NUP153: variants seen among roughly 807,000 people sequenced by gnomAD.
NUP153 encodes the protein nucleoporin 153.
Under a neutral mutation model 134.6 loss-of-function variants are expected in NUP153, and 27 were observed. That is an observed-to-expected ratio of 0.20 (90% CI 0.15 to 0.28). The LOEUF (loss-of-function observed/expected upper bound fraction) is 0.28. Among genes scored for constraint, NUP153 ranks in the 10% least tolerant of loss-of-function variants. The pLI is 1.00. For synonymous variants in NUP153, 640 were observed against 623.5 expected, an observed-to-expected ratio of 1.03 and a Z score of -0.40; for missense variants, 1,821 against 1,731.3, an observed-to-expected ratio of 1.05 and a Z score of -0.92.
Position 17,680,071 on chromosome 6 carries a change from A to C in NUP153, c.335-4301T>G, listed in dbSNP as rs1768487747. On this transcript the variant is annotated intron_variant, in intron 2 of 21. Transcript: ENST00000262077. This position sits in a 1 kb window ranked among gnomAD's most constrained non-coding sequence, Gnocchi z 4.5. ...TTCCTGCGCTTTGCCTAATAAAAAA[A>C]ATTCCTACTGGCTTTTTCCGGGAAG... Among the ~76,000 whole-genome samples the C allele has an allele frequency of 6.6e-6, 1 of 152,170 alleles. No individual in the cohort carries two copies.
intron 20 of NUP153, among the ~76,000 whole-genome samples, chr6:17,618,850 G>C (rs1213030470): frequency 1.3e-5 from 2 of 152,224 alleles, no homozygotes; most frequent in East Asian, 3.9e-4. Context: ...ACAGGCGTGA[G>C]CCACTGCGCC....
chr6:17,647,821 G>C lies in NUP153; in HGVS notation c.1618C>G (p.Leu540Val), dbSNP rs769983051. 1.9e-6 allele frequency: 3 copies of C among 1,594,736 alleles called. No individual in the cohort carries two copies. In the African/African-American group the frequency reaches 4.0e-5, roughly 21 times the overall value. ...PIVKSTEANV[L>V]PPSSIGFTFS... ...TTGTTACTTACAGATGATGGAGGTA[G>C]TACATTTGCCTCAGTAGATTTTACG... is the stretch of plus-strand genomic sequence containing the variant. The change falls in exon 13 of 22, where the codon CTA (leucine) becomes GTA (valine). Residue 540 changes from leucine to valine, a missense_variant. Physicochemically the swap from Leu to Val is conservative, Grantham distance 32 (BLOSUM62 1). Coordinates refer to ENST00000262077, the MANE Select transcript of NUP153 (RefSeq NM_005124.4).
chr6:17,621,042 T>C (rs1400020764), intron 20 of NUP153, among the ~76,000 whole-genome samples: 1 of 152,100 alleles, frequency 6.6e-6, no homozygotes, highest in Non-Finnish European at 1.5e-5. Context: ...ATAATCCCAC[T>C]GAAAAGCGGG....
At chr6:17,661,604 C>A in intron 11 of NUP153, 49 bp downstream of exon 11, 1 of 1,576,052 alleles carries the variant, frequency 6.3e-7, no homozygotes, top group South Asian at 1.2e-5. Context: ...CACCACCACA[C>A]CAATGCTTTT....
intron 2 of NUP153, among the ~76,000 whole-genome samples, chr6:17,682,937 A>AAC (rs1289361991): frequency 6.6e-6 from 1 of 151,072 alleles, no homozygotes. Flanking sequence ...AAAAAAAAAA[A>AAC]AAAAACACTT....
chr6:17,694,091 T>C (rs970976404), intron 1 of NUP153, among the ~76,000 whole-genome samples: 9 of 152,230 alleles, frequency 5.9e-5, no homozygotes, highest in South Asian at 2.1e-4. Context: ...CCATATTATA[T>C]GTTTATGCGT....
chr6:17,637,218 G>T lies in NUP153; in HGVS notation c.2399C>A (p.Ser800Ter), dbSNP rs1428122266. 1.2e-6 allele frequency: 2 copies of T among 1,614,020 alleles called. No individual in the cohort carries two copies. The highest frequency in any genetic ancestry group is 2.7e-5 in the African/African-American group (2 of 75,004). ...TGCATTATTAGAAACACAGCATACTGAACACTCCCAAGATCCAATGGGCCT... is the reference window on the plus strand; with the variant it reads ...TGCATTATTAGAAACACAGCATACTTAACACTCCCAAGATCCAATGGGCCT... The part of the protein sequence containing the change: ...FKRPIGSWEC[S>*]VCCVSNNAED... The change falls in exon 16 of 22, where the codon TCA becomes TAA. Residue 800 changes from serine to a stop codon, truncating the protein, a stop_gained. Coordinates refer to ENST00000262077, the MANE Select transcript of NUP153 (RefSeq NM_005124.4). LOFTEE classifies it high-confidence loss of function.
At chr6:17,686,189 T>C (rs1237227924) in intron 2 of NUP153, among the ~76,000 whole-genome samples, 2 of 151,688 alleles carry the variant, frequency 1.3e-5, no homozygotes, top group East Asian at 1.9e-4. Flanking sequence ...AAAAGCCAAC[T>C]GTAAACAGCC....
chr6:17,675,571 A>G lies in NUP153; in HGVS notation c.534T>C (p.Asp178=), dbSNP rs1318519311. 6.2e-7 allele frequency: 1 copy of G among 1,614,056 alleles called. No individual in the cohort carries two copies. The highest frequency in any genetic ancestry group is 8.5e-7 in the Non-Finnish European group (1 of 1,179,884). ...EIKDSTSQHD[D]DNISTTSGFS... ...AACCACTGGTAGTTGAGATGTTATC[A>G]TCATCATGCTGAGAGGTAGAATCTT... is the stretch of plus-strand genomic sequence containing the variant. Residue 178 remains aspartate (D), a synonymous_variant, in exon 3 of 22, where the codon GAT becomes GAC. Transcript: ENST00000262077. The surrounding 1 kb of genome is among the most constrained non-coding windows in gnomAD (Gnocchi z 4.4).
chr6:17,615,734 C>T lies in NUP153; in HGVS notation c.*363G>A, dbSNP rs1018126056. 15 of 172,876 alleles carry T rather than the reference C, an allele frequency of 8.7e-5. No homozygotes were observed. The highest frequency in any genetic ancestry group is 6.8e-4 in the Admixed American group (11 of 16,136). The allele number at this position is 172,876 out of a possible 1,614,324, so 10.7% of individuals were successfully genotyped here. A position where few individuals can be genotyped will look rare whatever the true frequency, so the allele number is the denominator to read the frequency against. ...CTCAGATATAATTACAATTTCAACG[C>T]GTTCCATGAACGCTTATCAGCGCAC... is the stretch of plus-strand genomic sequence containing the variant. On this transcript the variant is annotated 3_prime_UTR_variant, in exon 22 of 22. Transcript: ENST00000262077. This position sits in a 1 kb window ranked among gnomAD's most constrained non-coding sequence, Gnocchi z 5.7.
chr6:17,647,780 AT>A (rs775147027), intron 13 of NUP153, 26 bp downstream of exon 13: 2 of 1,316,864 alleles, frequency 1.5e-6, no homozygotes, highest in African/African-American at 2.9e-5. Flanking sequence ...ATCAGTAAAT[AT>A]ATACTATTCC....
At chr6:17,665,720 TTTTG>T (rs911781616) in intron 8 of NUP153, among the ~76,000 whole-genome samples, 29 of 151,860 alleles carry the variant, frequency 1.9e-4, no homozygotes, top group African/African-American at 7.0e-4. Context: ...TTTTACAGTT[TTTTG>T]TTTTTTTTTT....
At chr6:17,651,328 C>G (rs771616501) in intron 11 of NUP153, among the ~76,000 whole-genome samples, 296 of 151,952 alleles carry the variant, frequency 1.9e-3, no homozygotes, top group Non-Finnish European at 3.3e-3. Context: ...CCAATAAAAA[C>G]AGAATTATAA....
intron 1 of NUP153, among the ~76,000 whole-genome samples, chr6:17,705,588 G>A (rs531633929): frequency 5.3e-5 from 8 of 150,358 alleles, no homozygotes; most frequent in Non-Finnish European, 1.0e-4. Context: ...GCGGTGTTGG[G>A]GGGGGGGAGG....
chr6:17,636,934 A>G (rs1765579198), intron 16 of NUP153, among the ~76,000 whole-genome samples: 1 of 152,216 alleles, frequency 6.6e-6, no homozygotes, highest in South Asian at 2.1e-4. Flanking sequence ...CAAAAAGAGG[A>G]GGTCGTCATA....
intron 10 of NUP153, 40 bp downstream of exon 10, chr6:17,661,978 T>C: frequency 8.3e-6 from 12 of 1,446,662 alleles, no homozygotes; most frequent in Non-Finnish European, 1.2e-5. Context: ...CCTTACAAGT[T>C]AAATATAAAG....
intron 8 of NUP153, among the ~76,000 whole-genome samples, chr6:17,668,456 G>C (rs1207706791): frequency 6.6e-6 from 1 of 151,898 alleles, no homozygotes. Context: ...TGGAAATGCT[G>C]AATAGCCCAA....
chr6:17,624,549 C>A lies in NUP153; in HGVS notation c.4174+12G>T, dbSNP rs748820360. ...ACCCATACAGATACTAACAGCATCA[C>A]AGCACACTTACTAGAATTAGGAGTT... On this transcript the variant is annotated intron_variant, in intron 20 of 21. Transcript: ENST00000262077. 1 of 1,613,032 alleles carries A rather than the reference C, an allele frequency of 6.2e-7. No homozygotes were observed. Among genetic ancestry groups the A allele is most frequent in the African/African-American group, 1.3e-5 (1 of 74,902 alleles).
chr6:17,644,498 C>T (rs573824828), intron 14 of NUP153, among the ~76,000 whole-genome samples: 3 of 152,290 alleles, frequency 2.0e-5, no homozygotes, highest in East Asian at 1.9e-4. Context: ...AATTCTAAAG[C>T]GTGTCATGCT....
Sources: allele counts gnomAD v4.1 joint callset (sites outside exome capture counted in the v4.1 genomes callset), GRCh38; gene constraint gnomAD v4.1.1; non-coding constraint Gnocchi (gnomAD v3.1); transcripts MANE v1.5; gene names NCBI Gene and HGNC (gene_info 2026-07-23, HGNC 2026-07-21).